EFHB: variants seen among roughly 807,000 people sequenced by gnomAD.
EFHB encodes the protein EF-hand domain-containing family member B.
EFHB carries 91 observed loss-of-function variants against 87.2 expected under a neutral mutation model. The observed-to-expected ratio is 1.04, with a 90% CI of 0.88 to 1.24. The LOEUF (loss-of-function observed/expected upper bound fraction) is 1.24, where lower values mean the gene tolerates loss of function less well. EFHB is among the 50% of genes most tolerant of loss of function. The probability of loss-of-function intolerance (pLI) is 0.00; values close to 1 mark genes in which losing one functional copy is unlikely to be tolerated. For synonymous variants in EFHB, 325 were observed against 333.6 expected, an observed-to-expected ratio of 0.97 and a Z score of 0.28; for missense variants, 1,084 against 998.8, an observed-to-expected ratio of 1.09 and a Z score of -1.15.
chr3:19,887,867 G>A (rs185901306), intron 10 of EFHB, among the ~76,000 whole-genome samples: 1 of 152,262 alleles, frequency 6.6e-6, no homozygotes, highest in East Asian at 1.9e-4. Context: ...CTGGGAAAGG[G>A]AATTAACTAC....
Position 19,905,752 on chromosome 3 carries a change from G to T in EFHB, c.1289-3C>A. On this transcript the variant is annotated splice_polypyrimidine_tract_variant and splice_region_variant and intron_variant, in intron 5 of 12. Transcript: ENST00000295824. ...ATACTTTCGGTTCTTTGCCTCTCCT[G>T]TGGAAAAAGAAAGGAAGACTTATGA... 1 of 1,600,762 alleles carries T rather than the reference G, an allele frequency of 6.2e-7. No homozygotes were observed. Among genetic ancestry groups the T allele is most frequent in the South Asian group, 1.1e-5 (1 of 89,516 alleles).
chr3:19,943,788 CTG>C (rs1246967630), intron 1 of EFHB, among the ~76,000 whole-genome samples: 1 of 152,132 alleles, frequency 6.6e-6, no homozygotes, highest in Non-Finnish European at 1.5e-5. Flanking sequence ...GATGGACTGA[CTG>C]TATAACCCAA....
chr3:19,904,565 G>A (rs3916092), intron 6 of EFHB, among the ~76,000 whole-genome samples: 36,649 of 152,032 alleles, frequency 0.24, 5,390 homozygotes, highest in African/African-American at 0.41. Context: ...CTTGGTTATA[G>A]GCACATCACA....
At chr3:19,923,738 T>C (rs1268426101) in intron 1 of EFHB, among the ~76,000 whole-genome samples, 3 of 151,808 alleles carry the variant, frequency 2.0e-5, no homozygotes, top group Non-Finnish European at 2.9e-5. Flanking sequence ...AACAAGCTAA[T>C]AAAAAACATA....
At chr3:19,884,112 T>C (rs528175058) in intron 11 of EFHB, among the ~76,000 whole-genome samples, 1 of 152,356 alleles carries the variant, frequency 6.6e-6, no homozygotes, top group African/African-American at 2.4e-5. Context: ...CTAATATTAA[T>C]ACTTGGTGGA....
intron 1 of EFHB, among the ~76,000 whole-genome samples, chr3:19,929,708 C>CAAAAA (rs34016968): frequency 1.1e-4 from 9 of 79,720 alleles, no homozygotes; most frequent in East Asian, 4.4e-4. Context: ...GACTCCATCT[C>CAAAAA]AAAAAAAAAA....
intron 9 of EFHB, among the ~76,000 whole-genome samples, chr3:19,893,802 G>A (rs1332264017): frequency 5.3e-5 from 8 of 152,126 alleles, no homozygotes; most frequent in Non-Finnish European, 5.9e-5. Context: ...ATCAGCTGGT[G>A]GCATGGACAG....
intron 1 of EFHB, among the ~76,000 whole-genome samples, chr3:19,930,943 G>A (rs1695808774): frequency 6.6e-6 from 1 of 151,974 alleles, no homozygotes; most frequent in Admixed American, 6.6e-5. Flanking sequence ...GACCAGCCTG[G>A]CCAACATGGC....
intron 12 of EFHB, among the ~76,000 whole-genome samples, chr3:19,881,453 G>A (rs571156950): frequency 6.6e-6 from 1 of 152,236 alleles, no homozygotes; most frequent in East Asian, 1.9e-4. Flanking sequence ...TAGTTAAAAG[G>A]ATGACTTCCT....
chr3:19,922,927 C>T (rs1029824855), intron 1 of EFHB, among the ~76,000 whole-genome samples: 5 of 152,052 alleles, frequency 3.3e-5, no homozygotes, highest in African/African-American at 4.8e-5. Context: ...AATTAATATT[C>T]GGGACTCTCC....
chr3:19,902,851 A>C (rs1390891497), intron 6 of EFHB, among the ~76,000 whole-genome samples: 3 of 152,144 alleles, frequency 2.0e-5, no homozygotes, highest in Non-Finnish European at 4.4e-5. Context: ...GAATTTCTCT[A>C]CTGCTAGCAA....
rs116600120 is a variant in EFHB at position 19,898,927 on chromosome 3, T to C, written c.1503-82A>G. On this transcript the variant is annotated intron_variant, in intron 7 of 12. Coordinates refer to ENST00000295824, the MANE Select transcript of EFHB (RefSeq NM_144715.4). ...TTAAAATATGTTTGCCATATGTTCT[T>C]AGTAGCCCATATTTTATCTCATAAC... 1.9e-3 allele frequency: 2,598 copies of C among 1,366,954 alleles called. 16 individuals are homozygous for C. The African/African-American group carries it at 0.021, about 11-fold the overall frequency. The allele number at this position is 1,366,954 out of a possible 1,614,324, so 84.7% of individuals were successfully genotyped here.
chr3:19,910,532 C>A (rs1189485301), intron 5 of EFHB, among the ~76,000 whole-genome samples: 1 of 152,188 alleles, frequency 6.6e-6, no homozygotes, highest in Non-Finnish European at 1.5e-5. Context: ...GACCTCACCA[C>A]CCTGAAGGGA....
At position 19,888,333 on chromosome 3, in the gene EFHB, G is replaced by C. The variant is rs1372004127; in HGVS notation, c.1933+111C>G. On this transcript the variant is annotated intron_variant, in intron 10 of 12. Coordinates refer to ENST00000295824, the MANE Select transcript of EFHB (RefSeq NM_144715.4). ...CTTGAACCCAGGAGTTCAAGGGCAA[G>C]TAGGACCAGCCTGGGCAACATAGTG... The C allele has an allele frequency of 9.8e-6, 5 of 510,450 alleles. No individual in the cohort carries two copies. In the Admixed American group the frequency reaches 2.4e-4, roughly 24 times the overall value. The allele number at this position is 510,450 out of a possible 1,614,324, so 31.6% of individuals were successfully genotyped here. A position where few individuals can be genotyped will look rare whatever the true frequency, so the allele number is the denominator to read the frequency against.
At chr3:19,920,609 G>A (rs747064900) in intron 1 of EFHB, 42 bp from the exon 2 acceptor site, 3 of 1,489,376 alleles carry the variant, frequency 2.0e-6, no homozygotes, top group Non-Finnish European at 2.7e-6. Flanking sequence ...CAGGGTGGAA[G>A]AGGAGCATTT....
chr3:19,926,188 GGCACCCCTTT>G (rs978463776), intron 1 of EFHB, among the ~76,000 whole-genome samples: 1 of 152,124 alleles, frequency 6.6e-6, no homozygotes, highest in African/African-American at 2.4e-5. Context: ...GAAAAAGCAA[GGCACCCCTTT>G]GCATGACATT....
chr3:19,924,504 G>A (rs1362042581), intron 1 of EFHB, among the ~76,000 whole-genome samples: 3 of 152,022 alleles, frequency 2.0e-5, no homozygotes, highest in African/African-American at 7.2e-5. Flanking sequence ...GAGCCACTGC[G>A]CCAGGCCTTT....
At chr3:19,921,972 C>T (rs1378859128) in intron 1 of EFHB, among the ~76,000 whole-genome samples, 1 of 152,050 alleles carries the variant, frequency 6.6e-6, no homozygotes, top group Non-Finnish European at 1.5e-5. Context: ...CAAGACCAGC[C>T]TGGCCAACAT....
At chr3:19,922,113 C>T (rs13085595) in intron 1 of EFHB, among the ~76,000 whole-genome samples, 39,784 of 151,858 alleles carry the variant, frequency 0.26, 5,256 homozygotes, top group Non-Finnish European at 0.28. Flanking sequence ...TGCAGTGAGC[C>T]GAGGCCATGC....
Sources: gnomAD v4.1 joint callset for allele counts (sites outside exome capture counted in the v4.1 genomes callset) on GRCh38, gnomAD v4.1.1 for gene constraint, MANE v1.5 for transcripts, NCBI Gene and HGNC (gene_info 2026-07-23, HGNC 2026-07-21) for gene names.